The following TMEM164 variants were observed in gnomAD, a reference collection of about 807,000 sequenced individuals.
The protein encoded by TMEM164 is RP13-360B22.2.
A neutral mutation model predicts 18.8 loss-of-function variants in TMEM164; 4 were observed. The ratio of observed to expected loss-of-function variants is 0.21; its 90% CI spans 0.10 to 0.49. The LOEUF (loss-of-function observed/expected upper bound fraction) is 0.49, where lower values mean the gene tolerates loss of function less well. Ranked by LOEUF, TMEM164 falls within the 20% of genes least tolerant of loss-of-function variation. The pLI, the probability that TMEM164 is intolerant of heterozygous loss-of-function variation, is 0.98. For synonymous variants in TMEM164, 86 were observed against 101.7 expected (o/e 0.85, Z 0.93); for missense variants, 108 against 239.9 (o/e 0.45, Z 3.63).
intron 4 of TMEM164, among the ~76,000 whole-genome samples, chrX:110,134,559 CAAAAAAAAAAAA>C (rs34533045): frequency 3.4e-5 from 1 of 29,759 alleles, no homozygotes; most frequent in African/African-American, 1.5e-4. Context: ...GACTCTGTCT[CAAAAAAAAAAAA>C]AAAAAAAAAA....
chrX:110,046,158 A>G (rs1385736842), intron 2 of TMEM164: 1 of 752,981 alleles, frequency 1.3e-6, no homozygotes, highest in African/African-American at 2.3e-5. Context: ...AAAAACACAG[A>G]TACCTGATTA....
At chrX:110,087,603 G>C in intron 3 of TMEM164, among the ~76,000 whole-genome samples, 1 of 111,065 alleles carries the variant, frequency 9.0e-6, no homozygotes, top group East Asian at 2.8e-4. Context: ...TCAAGGGTGG[G>C]GGAACTCATG....
At chrX:110,136,519 T>G (rs2066693933) in intron 4 of TMEM164, among the ~76,000 whole-genome samples, 1 of 111,912 alleles carries the variant, frequency 8.9e-6, no homozygotes, top group Non-Finnish European at 1.9e-5. Context: ...GAGGCTGTAG[T>G]CTAGGGCTGA....
At chrX:110,134,973 A>G (rs927588793) in intron 4 of TMEM164, among the ~76,000 whole-genome samples, 3 of 111,670 alleles carry the variant, frequency 2.7e-5, no homozygotes, top group Non-Finnish European at 3.8e-5. Flanking sequence ...ATTGCTGTTA[A>G]CAGTTTGGTG....
chrX:110,169,885 C>T lies in TMEM164; in HGVS notation c.587-1535C>T, dbSNP rs144450713. Among the ~76,000 whole-genome samples the T allele has an allele frequency of 3.1e-3, 340 of 111,216 alleles. 1 individual carries two copies. Among genetic ancestry groups the T allele is most frequent in the African/African-American group, 0.011 (331 of 30,584 alleles). On this transcript the variant is annotated intron_variant, in intron 5 of 6. Coordinates refer to ENST00000372068, the MANE Select transcript of TMEM164 (RefSeq NM_032227.4). ...TTCAGTTTGACAGTCTCCAGCATCC[C>T]CTAGTGTCTCTTAGGCCCTGGTCGC...
chrX:110,182,632 C>T (rs1304629732), downstream of TMEM164: 3 of 111,728 alleles, frequency 2.7e-5, no homozygotes, highest in Admixed American at 2.8e-4. Context: ...CCCAATGTGT[C>T]CTGAACTCCC....
intron 4 of TMEM164, among the ~76,000 whole-genome samples, chrX:110,129,839 C>T (rs770771472): frequency 8.0e-5 from 9 of 112,238 alleles, no homozygotes; most frequent in Admixed American, 7.5e-4. Flanking sequence ...TATGAAATAT[C>T]GGGAAGACCA....
At chrX:110,014,088 T>C (rs905838135) in intron 2 of TMEM164, among the ~76,000 whole-genome samples, 4 of 111,372 alleles carry the variant, frequency 3.6e-5, no homozygotes, top group African/African-American at 1.3e-4. Context: ...TGAGAAAATA[T>C]TAATAAAGCA....
intron 2 of TMEM164, among the ~76,000 whole-genome samples, chrX:110,032,459 A>G (rs182850873): frequency 4.0e-4 from 44 of 110,721 alleles, no homozygotes; most frequent in African/African-American, 1.4e-3. Context: ...TTTTTTTTGC[A>G]GTTCTAAAAG....
At chrX:110,038,268 G>C in intron 2 of TMEM164, among the ~76,000 whole-genome samples, 1 of 111,123 alleles carries the variant, frequency 9.0e-6, no homozygotes, top group Middle Eastern at 4.6e-3. Flanking sequence ...TGGGATTACA[G>C]GCGTGAGCCA....
chrX:110,096,814 C>T (rs888324270), intron 3 of TMEM164, among the ~76,000 whole-genome samples: 11 of 111,409 alleles, frequency 9.9e-5, no homozygotes, highest in African/African-American at 3.6e-4. Flanking sequence ...CCATCTTGGA[C>T]GGGCAAGTGT....
At chrX:110,133,226 C>T (rs1042380940) in intron 4 of TMEM164, among the ~76,000 whole-genome samples, 1 of 111,706 alleles carries the variant, frequency 9.0e-6, no homozygotes, top group African/African-American at 3.3e-5. Context: ...TCTTAGCTCA[C>T]AGCAACCTCC....
At chrX:110,119,029 G>A (rs746392012) in intron 4 of TMEM164, among the ~76,000 whole-genome samples, 1 of 111,301 alleles carries the variant, frequency 9.0e-6, no homozygotes, top group East Asian at 2.8e-4. Flanking sequence ...GATCTTGGGT[G>A]CAAAGACAGA....
chrX:110,058,185 C>A (rs1935938920), intron 2 of TMEM164, among the ~76,000 whole-genome samples: 1 of 111,346 alleles, frequency 9.0e-6, no homozygotes, highest in Admixed American at 9.6e-5. Context: ...GTTACCCCAA[C>A]ATCATTTGTT....
intron 3 of TMEM164, among the ~76,000 whole-genome samples, chrX:110,090,249 C>T (rs748158638): frequency 8.2e-5 from 9 of 110,425 alleles, no homozygotes; most frequent in East Asian, 2.8e-4. Context: ...GCCAAGCCCC[C>T]CTGTTCTACT....
At chrX:110,005,166 A>G (rs778590907) in intron 2 of TMEM164, among the ~76,000 whole-genome samples, 2 of 112,389 alleles carry the variant, frequency 1.8e-5, no homozygotes, top group South Asian at 3.7e-4. Context: ...TGTCATTAGC[A>G]TCTTTACTGC....
chrX:110,170,435 T>C (rs2067215620), intron 5 of TMEM164, among the ~76,000 whole-genome samples: 3 of 112,619 alleles, frequency 2.7e-5, no homozygotes, highest in African/African-American at 9.7e-5. Flanking sequence ...AACTGTTGAA[T>C]GAATGGATGA....
intron 4 of TMEM164, among the ~76,000 whole-genome samples, chrX:110,126,612 C>A (rs1408545359): frequency 9.0e-6 from 1 of 111,598 alleles, no homozygotes; most frequent in Non-Finnish European, 1.9e-5. Flanking sequence ...TCTGTCCTGT[C>A]TTTTAGCCCT....
At chrX:110,063,648 A>AT (rs996175262) in intron 2 of TMEM164, among the ~76,000 whole-genome samples, 1 of 111,215 alleles carries the variant, frequency 9.0e-6, no homozygotes, top group South Asian at 3.8e-4. Flanking sequence ...GGAACCGTGG[A>AT]TTTTTTCTGG....
Sources: allele counts gnomAD v4.1 joint callset (sites outside exome capture counted in the v4.1 genomes callset), GRCh38; gene constraint gnomAD v4.1.1; transcripts MANE v1.5; gene names NCBI Gene and HGNC (gene_info 2026-07-23, HGNC 2026-07-21).